SDK1: variants seen among roughly 807,000 people sequenced by gnomAD.
The protein encoded by SDK1 is sidekick cell adhesion molecule 1.
In SDK1, 157 loss-of-function variants were observed where a neutral mutation model predicts 245.5. The ratio of observed to expected loss-of-function variants is 0.64; its 90% CI spans 0.56 to 0.73. SDK1 has a LOEUF of 0.73. Among genes scored for constraint, SDK1 ranks in the 30% least tolerant of loss-of-function variants. SDK1 has a pLI of 0.00. For missense variants in SDK1, 3,583 were observed against 3,002.3 expected (o/e 1.19, Z -4.52); for synonymous variants, 1,647 against 1,278.5 (o/e 1.29, Z -6.15).
chr7:4,168,769 G>A (rs937538099), intron 32 of SDK1, among the ~76,000 whole-genome samples: 1 of 152,188 alleles, frequency 6.6e-6, no homozygotes, highest in African/African-American at 2.4e-5. Context: ...CTCAGGGCGA[G>A]GTTGCTTGGC....
intron 4 of SDK1, among the ~76,000 whole-genome samples, chr7:3,766,274 T>C (rs1583392083): frequency 6.6e-6 from 1 of 152,228 alleles, no homozygotes; most frequent in Non-Finnish European, 1.5e-5. Context: ...GTCTTAACAC[T>C]TTCTAAATTC....
chr7:3,876,855 C>T (rs1224537577), intron 5 of SDK1, among the ~76,000 whole-genome samples: 1 of 152,194 alleles, frequency 6.6e-6, no homozygotes, highest in African/African-American at 2.4e-5. Context: ...CTCTATCAGA[C>T]TTCACACAGG....
At chr7:3,973,881 C>A (rs1194547101) in intron 12 of SDK1, among the ~76,000 whole-genome samples, 1 of 151,754 alleles carries the variant, frequency 6.6e-6, no homozygotes, top group Non-Finnish European at 1.5e-5. Context: ...ATTCATATGC[C>A]ATAAAATTCA....
chr7:3,871,894 A>G (rs1780965257), intron 5 of SDK1, among the ~76,000 whole-genome samples: 1 of 152,216 alleles, frequency 6.6e-6, no homozygotes, highest in South Asian at 2.1e-4. Context: ...ATCTTAAGGG[A>G]AAAAGCCATT....
chr7:3,717,659 T>G (rs1212564088), intron 4 of SDK1, among the ~76,000 whole-genome samples: 1 of 152,192 alleles, frequency 6.6e-6, no homozygotes, highest in Admixed American at 6.5e-5. Context: ...CCCATAAAGT[T>G]GAAAACTTAG....
chr7:3,543,331 C>T (rs1017220559), intron 1 of SDK1, among the ~76,000 whole-genome samples: 4 of 152,226 alleles, frequency 2.6e-5, no homozygotes, highest in Admixed American at 6.5e-5. Flanking sequence ...GTTTCATGGA[C>T]GCGATCACTA....
intron 17 of SDK1, among the ~76,000 whole-genome samples, chr7:4,036,259 TTATACTA>T (rs1788209351): frequency 6.6e-6 from 1 of 152,220 alleles, no homozygotes; most frequent in Admixed American, 6.5e-5. Flanking sequence ...TCTCTTTAAA[TTATACTA>T]TAAGGGTACA....
intron 1 of SDK1, among the ~76,000 whole-genome samples, chr7:3,395,983 C>T (rs1781886782): frequency 6.6e-6 from 1 of 151,670 alleles, no homozygotes; most frequent in Non-Finnish European, 1.5e-5. Flanking sequence ...TTATTTTCTT[C>T]ATTCTGTTTT....
intron 1 of SDK1, among the ~76,000 whole-genome samples, chr7:3,448,942 A>AT (rs1562492551): frequency 2.0e-5 from 3 of 152,188 alleles, no homozygotes; most frequent in Non-Finnish European, 4.4e-5. Context: ...CTGCGAACAA[A>AT]TTCACTAATC....
intron 1 of SDK1, among the ~76,000 whole-genome samples, chr7:3,544,810 A>G (rs1018769078): frequency 6.6e-6 from 1 of 152,186 alleles, no homozygotes; most frequent in Non-Finnish European, 1.5e-5. Context: ...CTTAGGGTGC[A>G]CAGTTAGTGT....
At position 4,012,096 on chromosome 7, in the gene SDK1, T is replaced by C. The variant is rs1786019299; in HGVS notation, c.2281T>C (p.Leu761=). 1 of 1,538,504 alleles carries C rather than the reference T, an allele frequency of 6.5e-7. No individual in the cohort carries two copies. Among genetic ancestry groups the C allele is most frequent in the Non-Finnish European group, 8.7e-7 (1 of 1,145,656 alleles). ...TTCCTACCCGTCTTTTATTTATAGG[T>C]TGATGCTACCTGAAGAACCACCCAG... ...RGQYSAETSR[L]MLPEEPPSAP... is the part of the protein sequence containing the mutation. The change falls in exon 16 of 45, where the codon TTG becomes CTG. Residue 761 remains leucine, a splice_region_variant and synonymous_variant. Transcript: ENST00000404826.
intron 1 of SDK1, among the ~76,000 whole-genome samples, chr7:3,403,888 AT>A (rs1462729411): frequency 9.0e-5 from 11 of 122,650 alleles, no homozygotes; most frequent in Non-Finnish European, 1.5e-4. Context: ...ATTTATTTAT[AT>A]TATATATATA....
intron 4 of SDK1, among the ~76,000 whole-genome samples, chr7:3,774,141 G>A (rs1300193734): frequency 6.6e-6 from 1 of 151,626 alleles, no homozygotes. Flanking sequence ...CGTGAACCCA[G>A]GAGGCGGAGG....
intron 1 of SDK1, among the ~76,000 whole-genome samples, chr7:3,486,952 C>T (rs967943538): frequency 2.6e-5 from 4 of 152,082 alleles, no homozygotes; most frequent in African/African-American, 9.7e-5. Flanking sequence ...GTTATATTTG[C>T]TTTGCTAAGA....
chr7:4,051,600 T>G, intron 18 of SDK1, 38 bp from the exon 19 acceptor site: 1 of 1,578,114 alleles, frequency 6.3e-7, no homozygotes, highest in Admixed American at 1.8e-5. Flanking sequence ...GAAATGCCAT[T>G]GAAAACAGGC....
At position 3,317,180 on chromosome 7, in the gene SDK1, C is replaced by CAA. The variant is rs57138474; in HGVS notation, c.298+15323_298+15324dup. The stretch of plus-strand genomic sequence containing the variant: ...TGGGCAACAGAGTGAGACTCTGTCT[C>CAA]AAAAAAAAAAAAAAAAAAAAAAAAA... On this transcript the variant is annotated intron_variant, in intron 1 of 44. Coordinates refer to ENST00000404826, the MANE Select transcript of SDK1 (RefSeq NM_152744.4). Among the ~76,000 whole-genome samples, 60 of 32,738 alleles carry CAA rather than the reference C, an allele frequency of 1.8e-3. 7 individuals carry two copies. Among genetic ancestry groups the CAA allele is most frequent in the African/African-American group, 3.3e-3 (31 of 9,364 alleles). 21.5% of individuals were successfully genotyped at this position (32,738 alleles called of 152,430 possible). A position where few individuals can be genotyped will look rare whatever the true frequency, so the allele number is the denominator to read the frequency against.
In SDK1 at chr7:4,125,937, C is replaced by T. The variant is rs187588357; in HGVS notation, c.3824-1444C>T. ...GCATCTCCAGCTCCCACCCTGAGTC[C>T]GGCCTTACTCCATCACTCCAGGCTA... On this transcript the variant is annotated intron_variant, in intron 25 of 44. Coordinates refer to ENST00000404826, the MANE Select transcript of SDK1 (RefSeq NM_152744.4). Among the ~76,000 whole-genome samples the T allele has an allele frequency of 4.3e-3, 655 of 152,304 alleles. 5 individuals are homozygous for T. The highest frequency in any genetic ancestry group is 6.9e-3 in the Non-Finnish European group (471 of 68,024).
At position 3,808,799 on chromosome 7, in the gene SDK1, C is replaced by T. The variant is rs1490275767; in HGVS notation, c.714-12651C>T. ...CTGTCTGATAAAGCAAAGAACCCAACAGATGTTGTTTACACACAAATGCCA... is the reference window on the plus strand; with the variant it reads ...CTGTCTGATAAAGCAAAGAACCCAATAGATGTTGTTTACACACAAATGCCA... On this transcript the variant is annotated intron_variant, in intron 4 of 44. Transcript: ENST00000404826. Among the ~76,000 whole-genome samples, 3 of 152,264 alleles carry T rather than the reference C, an allele frequency of 2.0e-5. No individual in the cohort carries two copies. In the East Asian group the frequency reaches 5.8e-4, roughly 29 times the overall value.
chr7:3,404,344 G>A lies in SDK1; in HGVS notation c.298+102460G>A, dbSNP rs540836690. On this transcript the variant is annotated intron_variant, in intron 1 of 44. Coordinates refer to ENST00000404826, the MANE Select transcript of SDK1 (RefSeq NM_152744.4). ...TAGCTGCAAACAGTAGATTTCTTCC[G>A]GTGTATGGCTTTGTCATTGTTATCA... 2.3e-4 allele frequency among the ~76,000 whole-genome samples: 35 copies of A among 152,100 alleles called. 1 individual carries two copies. The highest frequency in any genetic ancestry group is 1.7e-3 in the South Asian group (8 of 4,812).
Sources: allele counts gnomAD v4.1 joint callset (sites outside exome capture counted in the v4.1 genomes callset), GRCh38; gene constraint gnomAD v4.1.1; transcripts MANE v1.5; gene names NCBI Gene and HGNC (gene_info 2026-07-23, HGNC 2026-07-21).